The following GLIS1 variants were observed in gnomAD, a reference collection of about 807,000 sequenced individuals.
GLIS1 encodes zinc finger protein GLIS1.
GLIS1 carries 24 observed loss-of-function variants against 63.8 expected under a neutral mutation model. That is an observed-to-expected ratio of 0.38 (90% CI 0.27 to 0.53). The LOEUF (loss-of-function observed/expected upper bound fraction) is 0.53. Among genes scored for constraint, GLIS1 ranks in the 20% least tolerant of loss-of-function variants. GLIS1 has a pLI of 0.85. For synonymous variants in GLIS1, 450 were observed against 482.5 expected, an observed-to-expected ratio of 0.93 and a Z score of 0.88; for missense variants, 1,036 against 1,074.1, an observed-to-expected ratio of 0.96 and a Z score of 0.50.
chr1:53,738,125 A>C lies in GLIS1; in HGVS notation c.-42-19T>G. On this transcript the variant is annotated intron_variant, in intron 1 of 10. Transcript: ENST00000628545. ...CGGGCTCCTGGGGAGGGGAGACAGC[A>C]CAGCCAGTTAGAATGCGGAAAGCGG... 1 of 1,209,640 alleles carries C rather than the reference A, an allele frequency of 8.3e-7. No individual in the cohort carries two copies. Among genetic ancestry groups the C allele is most frequent in the Non-Finnish European group, 1.0e-6 (1 of 968,722 alleles). 74.9% of individuals were successfully genotyped at this position (1,209,640 alleles called of 1,614,324 possible). A position where few individuals can be genotyped will look rare whatever the true frequency, so the allele number is the denominator to read the frequency against.
chr1:53,731,470 C>T (rs890199170), intron 2 of GLIS1, among the ~76,000 whole-genome samples: 1 of 152,212 alleles, frequency 6.6e-6, no homozygotes, highest in Non-Finnish European at 1.5e-5. Context: ...GAGCCGCATC[C>T]TCTCCTTCCC....
At chr1:53,703,013 C>T (rs373521602) in intron 2 of GLIS1, among the ~76,000 whole-genome samples, 3 of 152,196 alleles carry the variant, frequency 2.0e-5, no homozygotes, top group African/African-American at 7.2e-5. Flanking sequence ...TCGGCCAGAC[C>T]CAGGCTCCCC....
At chr1:53,654,554 G>A (rs1485634739) in intron 2 of GLIS1, among the ~76,000 whole-genome samples, 2 of 152,194 alleles carry the variant, frequency 1.3e-5, no homozygotes, top group Admixed American at 6.5e-5. Flanking sequence ...CCACGGCCTG[G>A]ATGAGATTGA....
intron 4 of GLIS1, among the ~76,000 whole-genome samples, chr1:53,559,898 C>G (rs1049495222): frequency 6.6e-6 from 1 of 152,106 alleles, no homozygotes; most frequent in African/African-American, 2.4e-5. Context: ...AGTCTCTCAC[C>G]TGTACACATA....
At chr1:53,712,242 A>G (rs1238652787) in intron 2 of GLIS1, among the ~76,000 whole-genome samples, 1 of 152,232 alleles carries the variant, frequency 6.6e-6, no homozygotes, top group Admixed American at 6.5e-5. Context: ...CGACATGCAC[A>G]GGAATCACCC....
intron 2 of GLIS1, among the ~76,000 whole-genome samples, chr1:53,641,672 G>C (rs757730213): frequency 2.6e-5 from 4 of 152,134 alleles, no homozygotes; most frequent in Non-Finnish European, 2.9e-5. Context: ...AATAAACAAG[G>C]ACAAGTAGGT....
At chr1:53,664,642 G>T (rs564500881) in intron 2 of GLIS1, among the ~76,000 whole-genome samples, 11 of 152,204 alleles carry the variant, frequency 7.2e-5, no homozygotes, top group Non-Finnish European at 1.5e-4. Flanking sequence ...TCACAGAGCT[G>T]ACACTTTAGT....
intron 10 of GLIS1, 113 bp from the exon 11 acceptor site, chr1:53,506,889 C>T (rs2100236954): frequency 9.2e-7 from 1 of 1,087,418 alleles, no homozygotes; most frequent in Admixed American, 2.6e-5. Context: ...TCACAGTGTC[C>T]CGTCGGTGGG....
Position 53,669,156 on chromosome 1 carries a change from G to A in GLIS1, c.259+68650C>T, listed in dbSNP as rs536532417. ...CTCTATCTGGGCCTCCACTCATGTG[G>A]TCCCCAACAGTCCCTGAACATGTCC... On this transcript the variant is annotated intron_variant, in intron 2 of 10. Coordinates refer to ENST00000628545, the MANE Select transcript of GLIS1 (RefSeq NM_001367484.1). 2.9e-3 allele frequency among the ~76,000 whole-genome samples: 436 copies of A among 152,266 alleles called. 2 individuals carry two copies. Among genetic ancestry groups the A allele is most frequent in the African/African-American group, 0.01 (417 of 41,546 alleles).
At chr1:53,525,309 A>G (rs577307904) in intron 5 of GLIS1, among the ~76,000 whole-genome samples, 18 of 150,354 alleles carry the variant, frequency 1.2e-4, no homozygotes, top group African/African-American at 4.4e-4. Flanking sequence ...GGAAGGGGGC[A>G]CCCACACAGG....
chr1:53,607,331 C>T (rs183346154), intron 2 of GLIS1, among the ~76,000 whole-genome samples: 2 of 152,270 alleles, frequency 1.3e-5, no homozygotes, highest in East Asian at 3.9e-4. Context: ...GGTACACTGG[C>T]GTGATCATAG....
In GLIS1 at chr1:53,510,012, G is replaced by A. The variant is rs1294255470; in HGVS notation, c.1899C>T (p.Leu633=). The A allele has an allele frequency of 3.1e-6, 4 of 1,273,516 alleles. No individual in the cohort carries two copies. The highest frequency in any genetic ancestry group is 7.5e-5 in the Admixed American group (2 of 26,710). The allele number at this position is 1,273,516 out of a possible 1,614,324, so 78.9% of individuals were successfully genotyped here. A position where few individuals can be genotyped will look rare whatever the true frequency, so the allele number is the denominator to read the frequency against. ...ESTRDGLGPG[L]LSPIVSPLKG... is the part of the protein sequence containing the mutation. ...TCAGGGGGCTGACTATTGGTGAGAG[G>A]AGGCCGGGCCCCAACCTGGAGAGAA... The change falls in exon 9 of 11, where the codon CTC becomes CTT. Residue 633 remains leucine (L), a synonymous_variant. Transcript: ENST00000628545.
chr1:53,687,000 G>A (rs559650615), intron 2 of GLIS1, among the ~76,000 whole-genome samples: 1 of 152,304 alleles, frequency 6.6e-6, no homozygotes, highest in South Asian at 2.1e-4. Flanking sequence ...GTGTATAGGA[G>A]GCTCCCAAGA....
chr1:53,690,344 G>A (rs1646388930), intron 2 of GLIS1, among the ~76,000 whole-genome samples: 1 of 152,236 alleles, frequency 6.6e-6, no homozygotes, highest in South Asian at 2.1e-4. Context: ...CAAGGCCCTT[G>A]TTCTGTGAAG....
intron 4 of GLIS1, among the ~76,000 whole-genome samples, chr1:53,561,931 T>G (rs1402491970): frequency 6.6e-6 from 1 of 152,170 alleles, no homozygotes; most frequent in Non-Finnish European, 1.5e-5. Flanking sequence ...TATTCCCGTC[T>G]CAGAGGTGGT....
intron 2 of GLIS1, among the ~76,000 whole-genome samples, chr1:53,682,879 GA>G (rs1312592240): frequency 6.6e-6 from 1 of 152,218 alleles, no homozygotes; most frequent in Non-Finnish European, 1.5e-5. Flanking sequence ...TGAGGGGTCA[GA>G]GAGCAATCAA....
Position 53,524,867 on chromosome 1 carries a change from G to A in GLIS1, c.1503C>T (p.Ile501=), listed in dbSNP as rs746079758. ...CTGTGTAGCGCTTGGAGCAGCCAGG[G>A]ATCTGACAGGCGTACGGCTTCTGTA... The part of the protein sequence containing the change: ...HLDTKPYACQ[I]PGCSKRYTDP... The change falls in exon 6 of 11, where the codon ATC becomes ATT. Residue 501 remains isoleucine (I), a synonymous_variant. Coordinates refer to ENST00000628545, the MANE Select transcript of GLIS1 (RefSeq NM_001367484.1). The A allele has an allele frequency of 6.2e-7, 1 of 1,609,624 alleles. No homozygotes were observed. The highest frequency in any genetic ancestry group is 8.5e-7 in the Non-Finnish European group (1 of 1,177,010).
At position 53,721,368 on chromosome 1, in the gene GLIS1, G is replaced by A. The variant is rs542820125; in HGVS notation, c.259+16438C>T. ...AGAGTAACAGTAACTCCTTCCTAGG[G>A]CTGCTGGGAGAATGAAAGGAATTAT... On this transcript the variant is annotated intron_variant, in intron 2 of 10. Coordinates refer to ENST00000628545, the MANE Select transcript of GLIS1 (RefSeq NM_001367484.1). Among the ~76,000 whole-genome samples the A allele has an allele frequency of 2.0e-3, 300 of 152,266 alleles. 2 individuals are homozygous for A. The highest frequency in any genetic ancestry group is 6.7e-3 in the African/African-American group (277 of 41,554).
At chr1:53,710,695 C>T (rs1386564777) in intron 2 of GLIS1, among the ~76,000 whole-genome samples, 1 of 152,172 alleles carries the variant, frequency 6.6e-6, no homozygotes, top group Non-Finnish European at 1.5e-5. Context: ...CTCCGAGCTC[C>T]TCCTGCAGGC....
Sources: gnomAD v4.1 joint callset for allele counts (sites outside exome capture counted in the v4.1 genomes callset) on GRCh38, gnomAD v4.1.1 for gene constraint, MANE v1.5 for transcripts, NCBI Gene and HGNC (gene_info 2026-07-23, HGNC 2026-07-21) for gene names.